ADCY2: variants seen among roughly 807,000 people sequenced by gnomAD.
ADCY2 encodes adenylate cyclase type 2.
In ADCY2, 31 loss-of-function variants were observed where a neutral mutation model predicts 125.2. The observed-to-expected ratio is 0.25, with a 90% confidence interval of 0.19 to 0.33. The LOEUF is 0.33. Among genes scored for constraint, ADCY2 ranks in the 10% least tolerant of loss-of-function variants. The pLI, the probability that ADCY2 is intolerant of heterozygous loss-of-function variation, is 1.00. For synonymous variants in ADCY2, 512 were observed against 548.4 expected, an observed-to-expected ratio of 0.93 and a Z score of 0.93; for missense variants, 904 against 1,418.2, an observed-to-expected ratio of 0.64 and a Z score of 5.82.
At chr5:7,417,498 G>A (rs1281517745) in intron 2 of ADCY2, among the ~76,000 whole-genome samples, 1 of 152,128 alleles carries the variant, frequency 6.6e-6, no homozygotes, top group Non-Finnish European at 1.5e-5. Context: ...AGTGGGGCAG[G>A]ACAGAGTGTA....
intron 4 of ADCY2, among the ~76,000 whole-genome samples, chr5:7,656,173 G>A (rs976721852): frequency 2.6e-5 from 4 of 151,118 alleles, no homozygotes; most frequent in East Asian, 3.9e-4. Context: ...TCCTGCCTCA[G>A]CCTCCCAAGT....
intron 3 of ADCY2, among the ~76,000 whole-genome samples, chr5:7,601,214 C>T (rs1329314927): frequency 6.6e-6 from 1 of 152,152 alleles, no homozygotes; most frequent in Non-Finnish European, 1.5e-5. Flanking sequence ...CTCATTGTCC[C>T]TCACCACCTG....
intron 2 of ADCY2, among the ~76,000 whole-genome samples, chr5:7,459,452 C>G (rs2126435998): frequency 6.6e-6 from 1 of 152,284 alleles, no homozygotes; most frequent in African/African-American, 2.4e-5. Flanking sequence ...TGGTTAACAT[C>G]AAACCCACAG....
intron 22 of ADCY2, among the ~76,000 whole-genome samples, chr5:7,809,573 T>C (rs1031242333): frequency 3.9e-5 from 6 of 152,242 alleles, no homozygotes; most frequent in African/African-American, 1.4e-4. Context: ...ACAAAATATA[T>C]AGGGTAACCC....
chr5:7,555,885 G>C (rs1213091252), intron 3 of ADCY2, among the ~76,000 whole-genome samples: 2 of 134,508 alleles, frequency 1.5e-5, no homozygotes, highest in South Asian at 2.4e-4. Flanking sequence ...CACACACACA[G>C]ACATGATTCT....
chr5:7,439,529 T>TACACAC lies in ADCY2; in HGVS notation c.408+24787_408+24792dup, dbSNP rs66460653. ...GAGACATAGCCAAATTGGGTTAAGA[T>TACACAC]ACACACACACACACACACACACACA... On this transcript the variant is annotated intron_variant, in intron 2 of 24. Transcript: ENST00000338316. 3.2e-4 allele frequency among the ~76,000 whole-genome samples: 47 copies of TACACAC among 148,806 alleles called. No homozygotes were observed. In the East Asian group the frequency reaches 3.6e-3, roughly 11 times the overall value.
intron 4 of ADCY2, among the ~76,000 whole-genome samples, chr5:7,681,086 C>A (rs1389849982): frequency 6.6e-6 from 1 of 152,096 alleles, no homozygotes; most frequent in African/African-American, 2.4e-5. Flanking sequence ...TAATAAAATT[C>A]CAGGATCGTG....
At chr5:7,732,222 A>T (rs1055790081) in intron 14 of ADCY2, among the ~76,000 whole-genome samples, 1 of 152,224 alleles carries the variant, frequency 6.6e-6, no homozygotes. Context: ...ATGGAGCAAG[A>T]TTGGTGATCC....
intron 3 of ADCY2, among the ~76,000 whole-genome samples, chr5:7,583,863 G>A (rs1350943190): frequency 6.6e-6 from 1 of 152,068 alleles, no homozygotes; most frequent in Non-Finnish European, 1.5e-5. Flanking sequence ...TACAAACTAT[G>A]AAGTATTCAT....
chr5:7,826,969 G>A lies in ADCY2; in HGVS notation c.*98G>A, dbSNP rs1745501436. On this transcript the variant is annotated 3_prime_UTR_variant, in exon 25 of 25. Transcript: ENST00000338316. The stretch of plus-strand genomic sequence containing the variant: ...GTCCCTTGTTTTTGATGTGCGTGCT[G>A]TCTGTCCTATGGAGCCTCTGCAGAC... The A allele has an allele frequency of 2.8e-6, 4 of 1,443,266 alleles. No individual in the cohort carries two copies. The highest frequency in any genetic ancestry group is 3.7e-6 in the Non-Finnish European group (4 of 1,067,398). The allele number at this position is 1,443,266 out of a possible 1,614,324, so 89.4% of individuals were successfully genotyped here.
chr5:7,696,932 A>C (rs1246268973), intron 6 of ADCY2, among the ~76,000 whole-genome samples: 1 of 152,188 alleles, frequency 6.6e-6, no homozygotes, highest in African/African-American at 2.4e-5. Flanking sequence ...AAGAAAAGAA[A>C]GGTTTGAAAC....
intron 4 of ADCY2, among the ~76,000 whole-genome samples, chr5:7,640,828 A>G (rs539406584): frequency 1.4e-3 from 214 of 152,302 alleles, no homozygotes; most frequent in Admixed American, 1.9e-3. Context: ...ATATCTTGCT[A>G]TCTTTCTTTA....
chr5:7,751,704 G>A (rs1579390447), intron 15 of ADCY2, among the ~76,000 whole-genome samples: 1 of 152,242 alleles, frequency 6.6e-6, no homozygotes, highest in East Asian at 1.9e-4. Flanking sequence ...TGAGGCTCTG[G>A]ATTTTATTCA....
chr5:7,727,310 A>C, intron 14 of ADCY2, 49 bp downstream of exon 14: 2 of 1,427,518 alleles, frequency 1.4e-6, no homozygotes, highest in Non-Finnish European at 2.0e-6. Flanking sequence ...GTGCCTTTCC[A>C]CTGGAGCCCA....
chr5:7,778,382 AGAGCTT>A (rs1743810183), intron 18 of ADCY2, among the ~76,000 whole-genome samples: 1 of 152,220 alleles, frequency 6.6e-6, no homozygotes, highest in Non-Finnish European at 1.5e-5. Flanking sequence ...TGGGACATGG[AGAGCTT>A]GAGCAGAGCA....
At chr5:7,458,360 G>C (rs750387751) in intron 2 of ADCY2, among the ~76,000 whole-genome samples, 1 of 152,066 alleles carries the variant, frequency 6.6e-6, no homozygotes, top group Non-Finnish European at 1.5e-5. Context: ...TGTATAATGA[G>C]GAAGCAATAT....
At chr5:7,787,440 C>T (rs2126501956) in intron 19 of ADCY2, among the ~76,000 whole-genome samples, 1 of 152,310 alleles carries the variant, frequency 6.6e-6, no homozygotes, top group East Asian at 1.9e-4. Context: ...ACATTATTTC[C>T]AAATCAGGTC....
chr5:7,805,943 T>A (rs1479022402), intron 22 of ADCY2, among the ~76,000 whole-genome samples: 2 of 152,108 alleles, frequency 1.3e-5, no homozygotes, highest in African/African-American at 2.4e-5. Context: ...TTTTAATGAG[T>A]ATGCATTACT....
At chr5:7,644,011 G>A (rs1428931191) in intron 4 of ADCY2, among the ~76,000 whole-genome samples, 1 of 151,654 alleles carries the variant, frequency 6.6e-6, no homozygotes, top group African/African-American at 2.4e-5. Flanking sequence ...GCATGTCTGT[G>A]TTATCCCTTG....
Sources: gnomAD v4.1 joint callset for allele counts (sites outside exome capture counted in the v4.1 genomes callset) on GRCh38, gnomAD v4.1.1 for gene constraint, MANE v1.5 for transcripts, NCBI Gene and HGNC (gene_info 2026-07-23, HGNC 2026-07-21) for gene names.